Variants in MECOM observed in about 807,000 individuals in gnomAD.
MECOM encodes MDS1 and EVI1 complex locus.
MECOM carries 13 observed loss-of-function variants against 116.3 expected under a neutral mutation model. The ratio of observed to expected loss-of-function variants is 0.11; its 90% confidence interval spans 0.07 to 0.18. The LOEUF is 0.18. MECOM is among the 10% of genes least tolerant of loss of function. The pLI is 1.00. For missense variants in MECOM, 1,299 were observed against 1,509.0 expected, an observed-to-expected ratio of 0.86 and a Z score of 2.31; for synonymous variants, 528 against 535.2, an observed-to-expected ratio of 0.99 and a Z score of 0.19.
intron 2 of MECOM, among the ~76,000 whole-genome samples, chr3:169,247,955 GC>G (rs1755798204): frequency 6.6e-6 from 1 of 152,124 alleles, no homozygotes; most frequent in Non-Finnish European, 1.5e-5. Context: ...GCTGACTTTT[GC>G]CCAGTGAACC....
intron 1 of MECOM, among the ~76,000 whole-genome samples, chr3:169,569,844 G>A (rs1439171724): frequency 6.6e-6 from 1 of 152,180 alleles, no homozygotes; most frequent in East Asian, 1.9e-4. Context: ...AGCTAAAGCA[G>A]TGTTTAGAGA....
chr3:169,121,025 G>A (rs779059434), intron 7 of MECOM, 31 bp downstream of exon 7: 17 of 1,573,514 alleles, frequency 1.1e-5, no homozygotes, highest in Non-Finnish European at 1.4e-5. Flanking sequence ...AGACAGATGT[G>A]GGAAGGAGGG....
chr3:169,591,681 T>TATGGA (rs1553893864), intron 1 of MECOM, among the ~76,000 whole-genome samples: 2 of 151,764 alleles, frequency 1.3e-5, no homozygotes, highest in Non-Finnish European at 2.9e-5. Context: ...TATAACAATG[T>TATGGA]GTGGATTTGA....
At chr3:169,121,551 C>T (rs1343546356) in intron 6 of MECOM, among the ~76,000 whole-genome samples, 1 of 152,052 alleles carries the variant, frequency 6.6e-6, no homozygotes, top group Non-Finnish European at 1.5e-5. Context: ...AACTGGTGTG[C>T]TATTTTCACC....
At chr3:169,389,890 T>C (rs1451576270) in intron 1 of MECOM, among the ~76,000 whole-genome samples, 1 of 152,246 alleles carries the variant, frequency 6.6e-6, no homozygotes, top group Non-Finnish European at 1.5e-5. Flanking sequence ...AGTTTAGGGC[T>C]GGACACATTA....
chr3:169,465,039 G>T (rs1748059496), intron 1 of MECOM, among the ~76,000 whole-genome samples: 1 of 151,956 alleles, frequency 6.6e-6, no homozygotes, highest in South Asian at 2.1e-4. Flanking sequence ...ATCTTACAAT[G>T]AATACTTATA....
chr3:169,457,452 C>G (rs969917052), intron 1 of MECOM, among the ~76,000 whole-genome samples: 5 of 152,074 alleles, frequency 3.3e-5, no homozygotes, highest in Non-Finnish European at 7.4e-5. Context: ...GAAGAGACAT[C>G]CTTTAGAATA....
chr3:169,583,667 T>C (rs570831872), intron 1 of MECOM, among the ~76,000 whole-genome samples: 2 of 152,328 alleles, frequency 1.3e-5, no homozygotes, highest in South Asian at 4.1e-4. Flanking sequence ...GTTTGTTTGT[T>C]TTTTGAGACA....
chr3:169,108,790 G>A (rs1726303256), intron 9 of MECOM, among the ~76,000 whole-genome samples: 1 of 152,144 alleles, frequency 6.6e-6, no homozygotes, highest in African/African-American at 2.4e-5. Flanking sequence ...TCACATCAAT[G>A]TGTAAATTAT....
At chr3:169,457,906 T>C (rs1210179834) in intron 1 of MECOM, among the ~76,000 whole-genome samples, 1 of 152,238 alleles carries the variant, frequency 6.6e-6, no homozygotes, top group African/African-American at 2.4e-5. Context: ...GGTGTTCCTT[T>C]TTCTAAGCAC....
At chr3:169,520,788 G>A (rs1183764169) in intron 1 of MECOM, among the ~76,000 whole-genome samples, 2 of 151,942 alleles carry the variant, frequency 1.3e-5, no homozygotes, top group Non-Finnish European at 2.9e-5. Flanking sequence ...AAAAAAAATG[G>A]CTATGTGGAA....
At chr3:169,635,136 C>T (rs984677274) in intron 1 of MECOM, among the ~76,000 whole-genome samples, 3 of 152,134 alleles carry the variant, frequency 2.0e-5, no homozygotes, top group Non-Finnish European at 2.9e-5. Flanking sequence ...CAAGCCAGGC[C>T]GCTGCTCTAC....
rs571221532 is a variant in MECOM, at chr3:169,484,906, T to C, written c.38-103382A>G. ...GACTGATTACATTAGCTAGTTGATA[T>C]TACTTAGGGAGAGCTTTGCCTATTA... On this transcript the variant is annotated intron_variant, in intron 1 of 16. Coordinates refer to ENST00000651503, the MANE Select transcript of MECOM (RefSeq NM_004991.4). Among the ~76,000 whole-genome samples the C allele has an allele frequency of 1.3e-4, 20 of 152,320 alleles. No individual in the cohort carries two copies. In the South Asian group the frequency reaches 3.1e-3, roughly 24 times the overall value.
At chr3:169,533,366 G>A (rs6766197) in intron 1 of MECOM, among the ~76,000 whole-genome samples, 2,182 of 152,202 alleles carry the variant, frequency 0.014, 56 homozygotes, top group African/African-American at 0.05. Flanking sequence ...GATTTATGGT[G>A]GGGACTGTTG....
intron 2 of MECOM, among the ~76,000 whole-genome samples, chr3:169,354,983 A>G (rs1052989305): frequency 2.0e-5 from 3 of 151,870 alleles, no homozygotes; most frequent in Non-Finnish European, 2.9e-5. Context: ...TATTGACACA[A>G]TGAAGAGAGG....
At chr3:169,143,645 C>T (rs1292037867) in intron 3 of MECOM, 53 bp downstream of exon 3, 9 of 1,468,784 alleles carry the variant, frequency 6.1e-6, no homozygotes, top group Non-Finnish European at 8.2e-6. Flanking sequence ...TCTTCAGGCT[C>T]CAGTGATACT....
chr3:169,581,448 C>CT (rs3214398), intron 1 of MECOM, among the ~76,000 whole-genome samples: 41 of 151,276 alleles, frequency 2.7e-4, no homozygotes, highest in Admixed American at 9.2e-4. Context: ...TGCTTTCTGC[C>CT]TTTTTTTTTC....
intron 1 of MECOM, among the ~76,000 whole-genome samples, chr3:169,418,368 A>C (rs1739085999): frequency 6.6e-6 from 1 of 152,186 alleles, no homozygotes; most frequent in South Asian, 2.1e-4. Flanking sequence ...CAAACAATAG[A>C]AAAAGAGGGA....
chr3:169,105,187 T>C (rs1041584234), intron 10 of MECOM, among the ~76,000 whole-genome samples: 1 of 152,188 alleles, frequency 6.6e-6, no homozygotes, highest in African/African-American at 2.4e-5. Flanking sequence ...TAATGTGTGC[T>C]CTTATAGCAG....
Sources: gnomAD v4.1 joint callset for allele counts (sites outside exome capture counted in the v4.1 genomes callset) on GRCh38, gnomAD v4.1.1 for gene constraint, MANE v1.5 for transcripts, NCBI Gene and HGNC (gene_info 2026-07-23, HGNC 2026-07-21) for gene names.